APP: variants seen among roughly 807,000 people sequenced by gnomAD.
APP encodes amyloid beta precursor protein, also known as amyloid-beta precursor protein.
APP carries 31 observed loss-of-function variants against 101.4 expected under a neutral mutation model. The observed-to-expected ratio is 0.31, with a 90% CI of 0.23 to 0.41. APP has a LOEUF of 0.41. APP is among the 10% of genes least tolerant of loss of function. The pLI, the probability that APP is intolerant of heterozygous loss-of-function variation, is 1.00. For synonymous variants in APP, 366 were observed against 364.4 expected (o/e 1.00, Z -0.05); for missense variants, 839 against 1,003.7 (o/e 0.84, Z 2.22).
intron 11 of APP, among the ~76,000 whole-genome samples, chr21:25,966,921 G>C (rs1625289): frequency 0.083 from 12,672 of 152,182 alleles, 792 homozygotes; most frequent in African/African-American, 0.17. Flanking sequence ...CTGTTTACCT[G>C]TGACAAACCT....
chr21:26,117,572 C>T (rs1439186040), intron 1 of APP, among the ~76,000 whole-genome samples: 1 of 152,154 alleles, frequency 6.6e-6, no homozygotes, highest in East Asian at 1.9e-4. Flanking sequence ...GTTATAGGGA[C>T]AGAGAAGGGA....
intron 17 of APP, among the ~76,000 whole-genome samples, chr21:25,890,759 G>GA (rs1176524785): frequency 5.5e-4 from 82 of 149,580 alleles, no homozygotes; most frequent in Non-Finnish European, 8.9e-4. Flanking sequence ...AATATGAGGG[G>GA]AAATCTGGAC....
intron 5 of APP, among the ~76,000 whole-genome samples, chr21:26,027,288 G>A (rs759268208): frequency 5.3e-5 from 8 of 152,158 alleles, no homozygotes; most frequent in Non-Finnish European, 8.8e-5. Context: ...AAAGAGTCTA[G>A]AGGCTCCCAG....
chr21:26,000,899 A>G (rs564951628), intron 6 of APP, among the ~76,000 whole-genome samples: 1 of 151,512 alleles, frequency 6.6e-6, no homozygotes, highest in South Asian at 2.1e-4. Flanking sequence ...ATATGCATGA[A>G]GTACATCTAT....
chr21:25,951,748 G>T (rs765867970), intron 13 of APP, among the ~76,000 whole-genome samples: 13 of 152,130 alleles, frequency 8.5e-5, no homozygotes, highest in Admixed American at 1.3e-4. Context: ...TTTATTATGA[G>T]AAATTTTAAA....
intron 3 of APP, among the ~76,000 whole-genome samples, chr21:26,086,710 A>G (rs138831365): frequency 3.9e-5 from 6 of 152,342 alleles, no homozygotes; most frequent in East Asian, 3.9e-4. Context: ...AGTAGAAAAC[A>G]TATCACATGG....
intron 4 of APP, among the ~76,000 whole-genome samples, chr21:26,052,632 T>C (rs2045883675): frequency 6.6e-6 from 1 of 152,090 alleles, no homozygotes; most frequent in South Asian, 2.1e-4. Context: ...TGTGGAAAAA[T>C]CAAGATGGTA....
intron 6 of APP, among the ~76,000 whole-genome samples, chr21:26,012,073 A>ATTG (rs2043831126): frequency 8.1e-6 from 1 of 122,920 alleles, no homozygotes; most frequent in African/African-American, 2.6e-5. Flanking sequence ...TGGTGTGATC[A>ATTG]CGGCTCACTG....
At chr21:26,079,812 G>C (rs1305145460) in intron 3 of APP, among the ~76,000 whole-genome samples, 1 of 152,146 alleles carries the variant, frequency 6.6e-6, no homozygotes, top group Non-Finnish European at 1.5e-5. Flanking sequence ...TATATACACT[G>C]TATATGGAAA....
At chr21:25,956,687 T>C (rs866876117) in intron 11 of APP, among the ~76,000 whole-genome samples, 9 of 152,270 alleles carry the variant, frequency 5.9e-5, no homozygotes, top group South Asian at 2.1e-4. Context: ...TGAAAACCAG[T>C]TGGAAGGTAC....
chr21:26,089,501 C>G (rs536853087), intron 3 of APP: 1 of 119,622 alleles, frequency 8.4e-6, no homozygotes, highest in African/African-American at 3.0e-5. Flanking sequence ...TGTAGAACAG[C>G]CTTTTTTTTT....
chr21:25,890,297 T>C (rs1049032308), intron 17 of APP, among the ~76,000 whole-genome samples: 5 of 152,218 alleles, frequency 3.3e-5, no homozygotes, highest in African/African-American at 9.6e-5. Flanking sequence ...TTTTAATTGC[T>C]GAGCAAAATG....
At chr21:26,041,970 A>G (rs976522913) in intron 5 of APP, among the ~76,000 whole-genome samples, 1 of 152,102 alleles carries the variant, frequency 6.6e-6, no homozygotes, top group Non-Finnish European at 1.5e-5. Flanking sequence ...AGCCTCACAC[A>G]GTCCTGGAAG....
At chr21:26,080,401 GTTTTT>G (rs983898414) in intron 3 of APP, among the ~76,000 whole-genome samples, 1 of 151,196 alleles carries the variant, frequency 6.6e-6, no homozygotes, top group Non-Finnish European at 1.5e-5. Context: ...CATTTTTTAA[GTTTTT>G]TTTTAAGTTT....
intron 3 of APP, among the ~76,000 whole-genome samples, chr21:26,070,128 T>A (rs1321066863): frequency 6.6e-6 from 1 of 152,224 alleles, no homozygotes; most frequent in African/African-American, 2.4e-5. Flanking sequence ...ACATGATTCA[T>A]CAAGCTCTTC....
chr21:26,058,601 C>T (rs2046135602), intron 3 of APP, among the ~76,000 whole-genome samples: 1 of 152,178 alleles, frequency 6.6e-6, no homozygotes, highest in South Asian at 2.1e-4. Flanking sequence ...ACTTCCCAAT[C>T]CATGACATTG....
intron 13 of APP, among the ~76,000 whole-genome samples, chr21:25,946,868 A>T (rs2040844712): frequency 6.6e-6 from 1 of 152,178 alleles, no homozygotes; most frequent in Admixed American, 6.5e-5. Flanking sequence ...GTCCATTTGG[A>T]GCACAATAAA....
At chr21:26,048,416 GA>G (rs570316659) in intron 5 of APP, among the ~76,000 whole-genome samples, 13 of 150,710 alleles carry the variant, frequency 8.6e-5, no homozygotes, top group Non-Finnish European at 1.6e-4. Flanking sequence ...AGGGCCTATA[GA>G]AAAAAAAAGG....
intron 1 of APP, among the ~76,000 whole-genome samples, chr21:26,133,682 G>A (rs2062839924): frequency 6.6e-6 from 1 of 152,106 alleles, no homozygotes; most frequent in South Asian, 2.1e-4. Flanking sequence ...TGAGGCAGGA[G>A]AATCGCTTGA....
Sources: allele counts gnomAD v4.1 joint callset (sites outside exome capture counted in the v4.1 genomes callset), GRCh38; gene constraint gnomAD v4.1.1; transcripts MANE v1.5; gene names NCBI Gene and HGNC (gene_info 2026-07-23, HGNC 2026-07-21).